RAD23B: variants seen among roughly 807,000 people sequenced by gnomAD.
RAD23B encodes the protein lysine-specific demethylase RAD23B.
Under a neutral mutation model 49.1 loss-of-function variants are expected in RAD23B, and 5 were observed. That is an observed-to-expected ratio of 0.10 (90% confidence interval 0.05 to 0.21). RAD23B has a LOEUF of 0.21. Ranked by LOEUF, RAD23B falls within the 10% of genes least tolerant of loss-of-function variation. The pLI is 1.00. For missense variants in RAD23B, 356 were observed against 486.7 expected (o/e 0.73, Z 2.53); for synonymous variants, 184 against 165.4 (o/e 1.11, Z -0.86).
chr9:107,325,427 C>A (rs1827186618), intron 9 of RAD23B, among the ~76,000 whole-genome samples: 1 of 151,340 alleles, frequency 6.6e-6, no homozygotes, highest in African/African-American at 2.4e-5. Context: ...TCAATAGTGT[C>A]CTGTAGTTTT....
At chr9:107,283,764 C>T in intron 1 of RAD23B, 69 bp downstream of exon 1, 13 of 1,274,490 alleles carry the variant, frequency 1.0e-5, no homozygotes, top group Non-Finnish European at 8.0e-6. Context: ...GCTCGTGGGG[C>T]CGGGCGGCGC....
At chr9:107,315,885 A>AT (rs1185641127) in intron 5 of RAD23B, among the ~76,000 whole-genome samples, 1 of 152,018 alleles carries the variant, frequency 6.6e-6, no homozygotes, top group Non-Finnish European at 1.5e-5. Context: ...GCTTATGGGT[A>AT]TTTTTTTGAG....
intron 1 of RAD23B, among the ~76,000 whole-genome samples, chr9:107,293,598 A>G (rs11573631): frequency 0.067 from 10,198 of 152,322 alleles, 400 homozygotes; most frequent in African/African-American, 0.1. Flanking sequence ...ATAATACTGT[A>G]ACAGTGAGCA....
At chr9:107,297,094 TG>T (rs921384357) in intron 1 of RAD23B, among the ~76,000 whole-genome samples, 77 of 152,002 alleles carry the variant, frequency 5.1e-4, no homozygotes, top group African/African-American at 1.6e-3. Flanking sequence ...CCTTGTGATC[TG>T]CCCGCCTTGG....
At chr9:107,305,892 T>G (rs1323611681) in intron 3 of RAD23B, among the ~76,000 whole-genome samples, 1 of 151,816 alleles carries the variant, frequency 6.6e-6, no homozygotes, top group Non-Finnish European at 1.5e-5. Flanking sequence ...GGAGGATTGC[T>G]TCAGGCCCGG....
Position 107,321,970 on chromosome 9 carries a change from A to C in RAD23B, c.682-13A>C, listed in dbSNP as rs767932037. The C allele has an allele frequency of 1.3e-6, 2 of 1,591,118 alleles. No individual in the cohort carries two copies. Among genetic ancestry groups the C allele is most frequent in the Admixed American group, 3.7e-5 (2 of 53,526 alleles). On this transcript the variant is annotated splice_polypyrimidine_tract_variant and intron_variant, in intron 6 of 9. Coordinates refer to ENST00000358015, the MANE Select transcript of RAD23B (RefSeq NM_002874.5). ...ATGATGGGATATCTTAAAGCTTGGA[A>C]ATTCTATTACAGGGAATCCCTGGAG...
chr9:107,294,516 A>G (rs11573638), intron 1 of RAD23B, among the ~76,000 whole-genome samples: 71 of 152,348 alleles, frequency 4.7e-4, no homozygotes, highest in Non-Finnish European at 9.1e-4. Context: ...GGTGGGCCAT[A>G]TCCTTTCCAA....
intron 5 of RAD23B, among the ~76,000 whole-genome samples, chr9:107,316,342 C>T (rs1390236426): frequency 6.6e-6 from 1 of 152,158 alleles, no homozygotes; most frequent in Admixed American, 6.5e-5. Context: ...CAAGCTGTAC[C>T]CTCCTCATCT....
chr9:107,286,086 T>C (rs1259353732), intron 1 of RAD23B, among the ~76,000 whole-genome samples: 2 of 152,210 alleles, frequency 1.3e-5, no homozygotes, highest in Non-Finnish European at 2.9e-5. Flanking sequence ...GACCTGTTTT[T>C]GGTCTGGTCA....
chr9:107,320,453 C>T (rs568416596), intron 6 of RAD23B, among the ~76,000 whole-genome samples: 1 of 152,228 alleles, frequency 6.6e-6, no homozygotes, highest in East Asian at 1.9e-4. Context: ...ATCATTGTTA[C>T]CAAATGCTAA....
At chr9:107,288,582 A>G (rs1833321895) in intron 1 of RAD23B, among the ~76,000 whole-genome samples, 1 of 152,092 alleles carries the variant, frequency 6.6e-6, no homozygotes, top group Non-Finnish European at 1.5e-5. Flanking sequence ...AGTAGCTGGG[A>G]CTAGAGGTGT....
chr9:107,313,046 T>C (rs1826921115), intron 5 of RAD23B, among the ~76,000 whole-genome samples: 2 of 152,150 alleles, frequency 1.3e-5, no homozygotes, highest in African/African-American at 4.8e-5. Flanking sequence ...TCCCTGCTTT[T>C]TTATTTTATT....
chr9:107,317,931 A>G (rs561387186), intron 5 of RAD23B, among the ~76,000 whole-genome samples: 2 of 152,230 alleles, frequency 1.3e-5, no homozygotes, highest in South Asian at 4.1e-4. Flanking sequence ...TTTCAGTTAT[A>G]TAAGGTATCA....
At chr9:107,321,710 C>A (rs577940412) in intron 6 of RAD23B, among the ~76,000 whole-genome samples, 3 of 152,126 alleles carry the variant, frequency 2.0e-5, no homozygotes, top group Non-Finnish European at 4.4e-5. Flanking sequence ...TTGAACAACA[C>A]AGAGAATATT....
rs536405442 is a variant in RAD23B, at chr9:107,325,109, G to A, written c.1116+105G>A. On this transcript the variant is annotated intron_variant, in intron 9 of 9. Coordinates refer to ENST00000358015, the MANE Select transcript of RAD23B (RefSeq NM_002874.5). ...GCAGGTGGATCACCTGAGGTCAGGAGTTCAAGACCAGCCTGGCCAACGTGG... is the reference window on the plus strand; with the variant it reads ...GCAGGTGGATCACCTGAGGTCAGGAATTCAAGACCAGCCTGGCCAACGTGG... 1.6e-4 allele frequency: 170 copies of A among 1,094,716 alleles called. 2 individuals carry two copies. In the South Asian group the frequency reaches 2.4e-3, roughly 15 times the overall value. 67.8% of individuals were successfully genotyped at this position (1,094,716 alleles called of 1,614,324 possible).
intron 4 of RAD23B, among the ~76,000 whole-genome samples, chr9:107,307,436 G>A (rs1826801868): frequency 1.3e-5 from 2 of 152,308 alleles, no homozygotes; most frequent in South Asian, 2.1e-4. Flanking sequence ...AAATCATACA[G>A]CACAATTCCT....
At position 107,331,282 on chromosome 9, in the gene RAD23B, C is replaced by G. The variant is rs957646031; in HGVS notation, c.*1626C>G. On this transcript the variant is annotated 3_prime_UTR_variant, in exon 10 of 10. Coordinates refer to ENST00000358015, the MANE Select transcript of RAD23B (RefSeq NM_002874.5). ...CTTTGGGAGGCCGAGGTGGGCAGAT[C>G]ACTTGAGGCCAGGAGATTGAGACCA... 1 of 163,752 alleles carries G rather than the reference C, an allele frequency of 6.1e-6. No homozygotes were observed. Among genetic ancestry groups the G allele is most frequent in the African/African-American group, 2.4e-5 (1 of 41,680 alleles). 10.1% of individuals were successfully genotyped at this position (163,752 alleles called of 1,614,324 possible). A position where few individuals can be genotyped will look rare whatever the true frequency, so the allele number is the denominator to read the frequency against.
At chr9:107,287,677 A>G (rs1833299969) in intron 1 of RAD23B, among the ~76,000 whole-genome samples, 1 of 152,052 alleles carries the variant, frequency 6.6e-6, no homozygotes, top group Admixed American at 6.6e-5. Context: ...TCTACTAAAA[A>G]TAGAAAATTA....
chr9:107,300,506 AAATTG>A (rs1481052871), intron 2 of RAD23B, among the ~76,000 whole-genome samples: 1 of 150,632 alleles, frequency 6.6e-6, no homozygotes, highest in Non-Finnish European at 1.5e-5. Flanking sequence ...TTTTTTTTTT[AAATTG>A]AATTGAAACC....
Sources: allele counts gnomAD v4.1 joint callset (sites outside exome capture counted in the v4.1 genomes callset), GRCh38; gene constraint gnomAD v4.1.1; transcripts MANE v1.5; gene names NCBI Gene and HGNC (gene_info 2026-07-23, HGNC 2026-07-21).